DTNA: variants seen among roughly 807,000 people sequenced by gnomAD.
The protein encoded by DTNA is dystrobrevin alpha, also known as dystrophin-related protein 3.
DTNA carries 43 observed loss-of-function variants against 100.7 expected under a neutral mutation model. That is an observed-to-expected ratio of 0.43 (90% CI 0.33 to 0.55). The LOEUF (loss-of-function observed/expected upper bound fraction) is 0.55. DTNA is among the 20% of genes least tolerant of loss of function. DTNA has a pLI of 0.04. For missense variants in DTNA, 798 were observed against 953.9 expected, an observed-to-expected ratio of 0.84 and a Z score of 2.15; for synonymous variants, 349 against 347.9, an observed-to-expected ratio of 1.00 and a Z score of -0.04.
At chr18:34,787,407 C>G (rs2094545216) in intron 3 of DTNA, among the ~76,000 whole-genome samples, 1 of 152,148 alleles carries the variant, frequency 6.6e-6, no homozygotes. Flanking sequence ...TGCTTAGATT[C>G]AGAAACTTGG....
At chr18:34,870,579 A>T (rs567741404) in intron 17 of DTNA, among the ~76,000 whole-genome samples, 1 of 152,270 alleles carries the variant, frequency 6.6e-6, no homozygotes, top group African/African-American at 2.4e-5. Flanking sequence ...TAAGTAAGTA[A>T]ATATTATTTC....
At chr18:34,865,171 T>C (rs1349836389) in intron 17 of DTNA, among the ~76,000 whole-genome samples, 1 of 151,858 alleles carries the variant, frequency 6.6e-6, no homozygotes, top group Non-Finnish European at 1.5e-5. Context: ...CGAGAGAGGG[T>C]CTCCCAACTT....
intron 8 of DTNA, among the ~76,000 whole-genome samples, chr18:34,818,868 A>T (rs1276698677): frequency 6.6e-6 from 1 of 152,104 alleles, no homozygotes; most frequent in Non-Finnish European, 1.5e-5. Flanking sequence ...CCATCTTTTC[A>T]TGAAGAGTGT....
At position 34,732,086 on chromosome 18, in the gene DTNA, G is replaced by A. The variant is rs773961118; in HGVS notation, c.-2+21641G>A. Among the ~76,000 whole-genome samples the A allele has an allele frequency of 6.8e-4, 104 of 152,156 alleles. 1 individual carries two copies. The highest frequency in any genetic ancestry group is 1.2e-3 in the Non-Finnish European group (84 of 68,020). On this transcript the variant is annotated intron_variant, in intron 1 of 22. Transcript: ENST00000444659. The stretch of plus-strand genomic sequence containing the variant: ...AGTATCCCTGAAGCTGAAAAGAAAA[G>A]AGAATATTTATTTGCCTGTTTCCAC...
intron 1 of DTNA, among the ~76,000 whole-genome samples, chr18:34,652,182 G>T (rs1418011880): frequency 1.3e-5 from 2 of 151,422 alleles, no homozygotes; most frequent in East Asian, 3.9e-4. Context: ...AGGTGAGTAG[G>T]AGTTAGCCAG....
intron 1 of DTNA, among the ~76,000 whole-genome samples, chr18:34,586,318 A>G (rs2049129423): frequency 6.6e-6 from 1 of 152,138 alleles, no homozygotes; most frequent in African/African-American, 2.4e-5. Flanking sequence ...GGTCATTAAG[A>G]GGGAGTAATG....
chr18:34,687,340 G>C (rs150145824), intron 1 of DTNA, among the ~76,000 whole-genome samples: 1 of 152,080 alleles, frequency 6.6e-6, no homozygotes, highest in Non-Finnish European at 1.5e-5. Flanking sequence ...GGTACATTCT[G>C]TCTTTCTTCT....
chr18:34,636,296 G>A lies in DTNA; in HGVS notation c.-1-119680G>A, dbSNP rs1157335911. Among the ~76,000 whole-genome samples, 5 of 152,136 alleles carry A rather than the reference G, an allele frequency of 3.3e-5. No homozygotes were observed. The South Asian group carries it at 6.2e-4, about 19-fold the overall frequency. On this transcript the variant is annotated intron_variant, in intron 1 of 19. Coordinates refer to the DTNA transcript ENST00000283365. ...TGCCCAGTTAATTTTTGTATTTTTA[G>A]TAGAGACAGGGTTTCACCACATTGA...
At chr18:34,579,714 T>C (rs2048435704) in intron 1 of DTNA, among the ~76,000 whole-genome samples, 1 of 152,222 alleles carries the variant, frequency 6.6e-6, no homozygotes, top group Non-Finnish European at 1.5e-5. Context: ...CCCTTTATCC[T>C]TGTTTTTCAA....
At chr18:34,717,381 G>A (rs995076917) in intron 1 of DTNA, among the ~76,000 whole-genome samples, 2 of 152,036 alleles carry the variant, frequency 1.3e-5, no homozygotes, top group African/African-American at 2.4e-5. Flanking sequence ...TGCTAAATTC[G>A]GATGATATAG....
intron 3 of DTNA, among the ~76,000 whole-genome samples, chr18:34,782,557 A>C (rs191701185): frequency 4.9e-4 from 75 of 152,314 alleles, no homozygotes; most frequent in Middle Eastern, 3.4e-3. Flanking sequence ...TATAAGAATG[A>C]GCATCCTCAG....
intron 20 of DTNA, among the ~76,000 whole-genome samples, chr18:34,881,436 G>GTTTTTTTTTTTTTTTTT (rs1603350679): frequency 2.9e-5 from 2 of 68,418 alleles, no homozygotes; most frequent in Admixed American, 1.3e-4. Flanking sequence ...TAATTAAAAT[G>GTTTTTTTTTTTTTTTTT]CTTTTTTTTT....
At chr18:34,505,399 T>A (rs1253477942) in intron 1 of DTNA, among the ~76,000 whole-genome samples, 1 of 152,226 alleles carries the variant, frequency 6.6e-6, no homozygotes, top group African/African-American at 2.4e-5. Flanking sequence ...TAATCACATC[T>A]ACCAAATCTC....
At chr18:34,592,467 A>AACACACACTCACACACACAC in intron 1 of DTNA, among the ~76,000 whole-genome samples, 1 of 139,530 alleles carries the variant, frequency 7.2e-6, no homozygotes, top group South Asian at 2.3e-4. Context: ...ACACTTGTAT[A>AACACACACTCACACACACAC]ACACACACAC....
chr18:34,733,543 A>G (rs146327964), intron 1 of DTNA, among the ~76,000 whole-genome samples: 3 of 152,296 alleles, frequency 2.0e-5, no homozygotes, highest in East Asian at 1.9e-4. Flanking sequence ...TTGGGATCCA[A>G]TTATTCCCAC....
chr18:34,573,374 C>A (rs1598664832), intron 1 of DTNA, among the ~76,000 whole-genome samples: 1 of 152,124 alleles, frequency 6.6e-6, no homozygotes, highest in South Asian at 2.1e-4. Flanking sequence ...CTGCTACCAC[C>A]AATATATCCA....
At chr18:34,866,953 A>C in intron 17 of DTNA, 1 of 1,169,468 alleles carries the variant, frequency 8.6e-7, no homozygotes, top group East Asian at 3.8e-5. Context: ...GGTCAGGCTC[A>C]AGAGCCAGCA....
chr18:34,753,356 T>C (rs1568412237), intron 1 of DTNA, among the ~76,000 whole-genome samples: 1 of 1,282 alleles, frequency 7.8e-4, no homozygotes, highest in African/African-American at 2.2e-3. Context: ...TTTATTTATT[T>C]ATTTATTTTA....
intron 1 of DTNA, among the ~76,000 whole-genome samples, chr18:34,631,501 A>AC (rs1442747068): frequency 6.6e-6 from 1 of 152,226 alleles, no homozygotes; most frequent in Non-Finnish European, 1.5e-5. Flanking sequence ...AAAGAGATCT[A>AC]CCTGAGAGTC....
Sources: allele counts gnomAD v4.1 joint callset (sites outside exome capture counted in the v4.1 genomes callset), GRCh38; gene constraint gnomAD v4.1.1; transcripts MANE v1.5; gene names NCBI Gene and HGNC (gene_info 2026-07-23, HGNC 2026-07-21).